Variants in EFR3A observed in about 807,000 individuals in gnomAD.
EFR3A encodes EFR3 homolog A, also known as protein EFR3 homolog A.
In EFR3A, 76 loss-of-function variants were observed where a neutral mutation model predicts 104.4. The ratio of observed to expected loss-of-function variants is 0.73; its 90% CI spans 0.60 to 0.88. The LOEUF (loss-of-function observed/expected upper bound fraction) is 0.88, where lower values mean the gene tolerates loss of function less well. EFR3A is among the 40% of genes least tolerant of loss of function. EFR3A has a pLI of 0.00. For missense variants in EFR3A, 985 were observed against 1,012.5 expected, an observed-to-expected ratio of 0.97 and a Z score of 0.37; for synonymous variants, 330 against 330.0, an observed-to-expected ratio of 1.00 and a Z score of 0.00.
At chr8:131,990,150 A>G (rs1821096785) in intron 18 of EFR3A, among the ~76,000 whole-genome samples, 1 of 152,236 alleles carries the variant, frequency 6.6e-6, no homozygotes, top group Non-Finnish European at 1.5e-5. Flanking sequence ...CACAAAGCTC[A>G]CAGTCTCTCT....
At chr8:132,008,791 A>G (rs1822167448) in intron 22 of EFR3A, among the ~76,000 whole-genome samples, 1 of 144,818 alleles carries the variant, frequency 6.9e-6, no homozygotes, top group Non-Finnish European at 1.5e-5. Flanking sequence ...GGTTACAGTG[A>G]GCCAAGATCA....
At chr8:131,994,375 GT>G (rs1231895209) in intron 18 of EFR3A, among the ~76,000 whole-genome samples, 1 of 152,150 alleles carries the variant, frequency 6.6e-6, no homozygotes, top group Non-Finnish European at 1.5e-5. Flanking sequence ...TCTGGGTACT[GT>G]TCTCCTTAGC....
chr8:131,986,429 C>G lies in EFR3A; in HGVS notation c.1937+168C>G, dbSNP rs534426444. ...AATTATTTCCCTTGTTATAAAAGGG[C>G]CTGCACATTATGGATGTTGACTTAT... On this transcript the variant is annotated intron_variant, in intron 17 of 22. Transcript: ENST00000254624. Among the ~76,000 whole-genome samples, 45 of 152,100 alleles carry G rather than the reference C, an allele frequency of 3.0e-4. No individual in the cohort carries two copies. The East Asian group carries it at 8.7e-3, about 29-fold the overall frequency.
chr8:131,914,051 A>G (rs1284750376), intron 1 of EFR3A, among the ~76,000 whole-genome samples: 1 of 152,244 alleles, frequency 6.6e-6, no homozygotes, highest in Admixed American at 6.5e-5. Context: ...GAAATGCTTT[A>G]TGAACATGTT....
chr8:131,924,380 T>C (rs1322049032), intron 1 of EFR3A, among the ~76,000 whole-genome samples: 1 of 152,168 alleles, frequency 6.6e-6, no homozygotes, highest in African/African-American at 2.4e-5. Flanking sequence ...GTTTTCATCA[T>C]GCTACTGCCC....
intron 17 of EFR3A, among the ~76,000 whole-genome samples, chr8:131,986,924 T>C (rs1241553592): frequency 6.6e-6 from 1 of 152,130 alleles, no homozygotes; most frequent in Non-Finnish European, 1.5e-5. Context: ...AGTATCCTGT[T>C]GAAGACGTTC....
At chr8:131,998,642 A>G (rs959907786) in intron 19 of EFR3A, among the ~76,000 whole-genome samples, 3 of 152,034 alleles carry the variant, frequency 2.0e-5, no homozygotes, top group African/African-American at 7.2e-5. Context: ...GATGTATATT[A>G]TTATTTCTTC....
At chr8:131,920,515 G>T (rs1230210617) in intron 1 of EFR3A, among the ~76,000 whole-genome samples, 1 of 152,128 alleles carries the variant, frequency 6.6e-6, no homozygotes, top group Admixed American at 6.5e-5. Flanking sequence ...TCTAGAAGTG[G>T]TAAGTTTTGT....
chr8:131,940,237 G>T, intron 1 of EFR3A: 1 of 426,734 alleles, frequency 2.3e-6, no homozygotes, highest in Non-Finnish European at 4.2e-6. Context: ...GGGCACGGAT[G>T]ATGTTTTCAC....
intron 4 of EFR3A, among the ~76,000 whole-genome samples, chr8:131,948,200 G>A (rs868346238): frequency 6.6e-6 from 1 of 152,100 alleles, no homozygotes; most frequent in Non-Finnish European, 1.5e-5. Context: ...TATACGAGGT[G>A]CTGACAGTGT....
intron 8 of EFR3A, among the ~76,000 whole-genome samples, chr8:131,963,329 C>A (rs1819509178): frequency 6.6e-6 from 1 of 152,024 alleles, no homozygotes; most frequent in East Asian, 1.9e-4. Flanking sequence ...GCTAGCAAGA[C>A]TAATACAGAA....
intron 8 of EFR3A, among the ~76,000 whole-genome samples, chr8:131,966,337 A>G (rs1470052612): frequency 1.3e-5 from 2 of 152,100 alleles, no homozygotes; most frequent in Non-Finnish European, 2.9e-5. Flanking sequence ...ACCTCCTAGA[A>G]CTGTTTATGT....
At chr8:131,959,297 T>C (rs977259424) in intron 7 of EFR3A, among the ~76,000 whole-genome samples, 5 of 152,160 alleles carry the variant, frequency 3.3e-5, no homozygotes, top group Admixed American at 3.3e-4. Flanking sequence ...TAGTTAAAAT[T>C]ACCCTTTGAG....
chr8:132,001,786 G>A lies in EFR3A; in HGVS notation c.2185G>A (p.Glu729Lys). 1 of 1,613,214 alleles carries A rather than the reference G, an allele frequency of 6.2e-7. No homozygotes were observed. The highest frequency in any genetic ancestry group is 8.5e-7 in the Non-Finnish European group (1 of 1,179,426). ...VVSNTEEITF[E>K]ALKKAIDTSG... ...TAGTAACACTGAAGAAATCACTTTTGAAGCATTGAAGAAAGCAATTGGTGA... is the reference window on the plus strand; with the variant it reads ...TAGTAACACTGAAGAAATCACTTTTAAAGCATTGAAGAAAGCAATTGGTGA... The change falls in exon 20 of 23, where the codon GAA becomes AAA. Residue 729 changes from glutamate (E) to lysine (K), a missense_variant. Glu to Lys is a moderately conservative substitution (Grantham distance 56, BLOSUM62 1). Coordinates refer to ENST00000254624, the MANE Select transcript of EFR3A (RefSeq NM_015137.6).
chr8:131,972,956 G>A (rs1433198734), intron 10 of EFR3A, among the ~76,000 whole-genome samples: 2 of 151,104 alleles, frequency 1.3e-5, no homozygotes, highest in African/African-American at 4.9e-5. Context: ...GGACATATGC[G>A]TACACCAGTT....
At chr8:131,938,968 ATATAGT>A (rs1236732525) in intron 1 of EFR3A, among the ~76,000 whole-genome samples, 2 of 152,074 alleles carry the variant, frequency 1.3e-5, no homozygotes, top group African/African-American at 4.8e-5. Flanking sequence ...CCTGCTATTG[ATATAGT>A]TATGGTTGTG....
At chr8:132,010,449 T>TATATATATAA (rs1326843233) in intron 22 of EFR3A, among the ~76,000 whole-genome samples, 5 of 128,400 alleles carry the variant, frequency 3.9e-5, no homozygotes, top group Non-Finnish European at 6.6e-5. Flanking sequence ...TATATATATA[T>TATATATATAA]AATGAAATAC....
At chr8:132,003,419 A>C in intron 22 of EFR3A, 134 bp downstream of exon 22, 1 of 816,314 alleles carries the variant, frequency 1.2e-6, no homozygotes, top group Non-Finnish European at 1.9e-6. Context: ...TTAACATAAG[A>C]TCATATAGGT....
chr8:131,908,079 G>A (rs1157840752), intron 1 of EFR3A, among the ~76,000 whole-genome samples: 1 of 148,388 alleles, frequency 6.7e-6, no homozygotes, highest in Admixed American at 6.7e-5. Context: ...TTCTTTTTTT[G>A]AGAGGGAGTC....
Sources: gnomAD v4.1 joint callset for allele counts (sites outside exome capture counted in the v4.1 genomes callset) on GRCh38, gnomAD v4.1.1 for gene constraint, MANE v1.5 for transcripts, NCBI Gene and HGNC (gene_info 2026-07-23, HGNC 2026-07-21) for gene names.